The following SNX5 variants were observed in gnomAD, a reference collection of about 807,000 sequenced individuals.
SNX5 encodes the protein sorting nexin-5.
In SNX5, 31 loss-of-function variants were observed where a neutral mutation model predicts 53.9. The ratio of observed to expected loss-of-function variants is 0.58; its 90% confidence interval spans 0.43 to 0.78. The LOEUF is 0.78. SNX5 is among the 30% of genes least tolerant of loss of function. The probability of loss-of-function intolerance (pLI) is 0.00; values close to 1 mark genes in which losing one functional copy is unlikely to be tolerated. For missense variants in SNX5, 471 were observed against 478.8 expected, an observed-to-expected ratio of 0.98 and a Z score of 0.15; for synonymous variants, 168 against 171.1, an observed-to-expected ratio of 0.98 and a Z score of 0.14.
chr20:17,952,455 G>T, intron 5 of SNX5, 132 bp downstream of exon 5: 2 of 881,334 alleles, frequency 2.3e-6, no homozygotes, highest in Non-Finnish European at 1.6e-6. Flanking sequence ...TTACAATGAA[G>T]GAAAAGCAGC....
intron 4 of SNX5, among the ~76,000 whole-genome samples, chr20:17,953,635 C>G (rs892132487): frequency 1.3e-5 from 2 of 152,172 alleles, no homozygotes; most frequent in African/African-American, 4.8e-5. Context: ...TTCTCAACGT[C>G]TAGTAACCAA....
intron 10 of SNX5, among the ~76,000 whole-genome samples, chr20:17,948,455 CTGATT>C (rs2039515975): frequency 6.6e-6 from 1 of 152,182 alleles, no homozygotes; most frequent in Non-Finnish European, 1.5e-5. Context: ...TTTATTTTGC[CTGATT>C]TAATACATTT....
intron 1 of SNX5, among the ~76,000 whole-genome samples, chr20:17,965,231 C>T (rs1260775191): frequency 1.3e-5 from 2 of 152,160 alleles, no homozygotes; most frequent in African/African-American, 4.8e-5. Context: ...GAGGAGGCCG[C>T]GTCCTAGCAG....
chr20:17,951,153 T>A lies in SNX5; in HGVS notation c.609+347A>T, dbSNP rs566994297. On this transcript the variant is annotated intron_variant, in intron 6 of 12. Transcript: ENST00000377759. Reference sequence around the variant, plus strand: ...AGGTTGCATGTCAAGTGCTTCTCTATCACCTGTAGTTGGTGACCAAACTGG... The same window carrying A: ...AGGTTGCATGTCAAGTGCTTCTCTAACACCTGTAGTTGGTGACCAAACTGG... 1.2e-3 allele frequency: 214 copies of A among 182,154 alleles called. 2 individuals are homozygous for A. The highest frequency in any genetic ancestry group is 3.4e-3 in the Admixed American group (61 of 18,014). 11.3% of individuals were successfully genotyped at this position (182,154 alleles called of 1,614,324 possible).
In SNX5 at chr20:17,968,463, C is replaced by G; in HGVS notation, c.-38G>C. 7.8e-7 allele frequency: 1 copy of G among 1,288,866 alleles called. No individual in the cohort carries two copies. Among genetic ancestry groups the G allele is most frequent in the Non-Finnish European group, 9.8e-7 (1 of 1,016,094 alleles). 79.8% of individuals were successfully genotyped at this position (1,288,866 alleles called of 1,614,324 possible). Reference sequence around the variant, plus strand: ...CTCGAGCAGGGGCCGCCTGGCTGTGCGAGGAAAGAAGAAGCTGGGCCGCCG... The same window carrying G: ...CTCGAGCAGGGGCCGCCTGGCTGTGGGAGGAAAGAAGAAGCTGGGCCGCCG... On this transcript the variant is annotated 5_prime_UTR_variant, in exon 1 of 13. Transcript: ENST00000377759.
At chr20:17,959,448 A>C (rs1168439125) in intron 1 of SNX5, among the ~76,000 whole-genome samples, 1 of 147,500 alleles carries the variant, frequency 6.8e-6, no homozygotes, top group Non-Finnish European at 1.5e-5. Flanking sequence ...CAACCACAGC[A>C]TATCAAACAT....
intron 12 of SNX5, chr20:17,942,618 ACCAG>A: frequency 1.7e-6 from 1 of 589,462 alleles, no homozygotes. Flanking sequence ...GGGTAAGGCT[ACCAG>A]CCAAAGAGCC....
chr20:17,959,664 C>T lies in SNX5; in HGVS notation c.52-2627G>A, dbSNP rs572174879. Among the ~76,000 whole-genome samples, 9 of 152,298 alleles carry T rather than the reference C, an allele frequency of 5.9e-5. No individual in the cohort carries two copies. The South Asian group carries it at 1.5e-3, about 25-fold the overall frequency. Reference sequence around the variant, plus strand: ...CATCATTAACTCAATGTCCCCCAGGCGCAAGTTAAATGAACTTTCTCATAT... The same window carrying T: ...CATCATTAACTCAATGTCCCCCAGGTGCAAGTTAAATGAACTTTCTCATAT... On this transcript the variant is annotated intron_variant, in intron 1 of 12. Coordinates refer to ENST00000377759, the MANE Select transcript of SNX5 (RefSeq NM_014426.4).
rs766287568 is a variant in SNX5 at position 17,949,136 on chromosome 20, C to T, written c.792-33G>A. The stretch of plus-strand genomic sequence containing the variant: ...TGTACATATAATTTTGGTTTAAGGT[C>T]TTAAATCATCTATAAAACATGATCT... On this transcript the variant is annotated intron_variant, in intron 8 of 12. Transcript: ENST00000377759. The T allele has an allele frequency of 3.1e-5, 49 of 1,562,864 alleles. No individual in the cohort carries two copies. The South Asian group carries it at 5.3e-4, about 17-fold the overall frequency.
At chr20:17,960,382 T>G (rs2122407464) in intron 1 of SNX5, among the ~76,000 whole-genome samples, 1 of 151,452 alleles carries the variant, frequency 6.6e-6, no homozygotes, top group African/African-American at 2.4e-5. Flanking sequence ...GATCACAAGG[T>G]CAGGAGATCG....
intron 6 of SNX5, 198 bp downstream of exon 6, chr20:17,951,302 C>T (rs1292039070): frequency 1.8e-6 from 1 of 546,576 alleles, no homozygotes; most frequent in Non-Finnish European, 3.3e-6. Context: ...GTTCAAGTTG[C>T]TTCTCCTGGG....
chr20:17,967,941 A>T, intron 1 of SNX5: 1 of 389,588 alleles, frequency 2.6e-6, no homozygotes, highest in Admixed American at 4.5e-5. Context: ...CCCCCCCCCC[A>T]AAAAAGTCTT....
rs2273450 is a variant in SNX5, at chr20:17,968,524, G to A, written c.-99C>T. 134,765 of 1,128,592 alleles carry A rather than the reference G, an allele frequency of 0.12. 8,701 individuals carry two copies. Among genetic ancestry groups the A allele is most frequent in the Middle Eastern group, 0.18 (565 of 3,122 alleles). 69.9% of individuals were successfully genotyped at this position (1,128,592 alleles called of 1,614,324 possible). A position where few individuals can be genotyped will look rare whatever the true frequency, so the allele number is the denominator to read the frequency against. ...CTGGGCGCCTCTCGGGGGCGGCCAC[G>A]GCCCCGCCTCCGCCGGCCTCCCTGC... On this transcript the variant is annotated 5_prime_UTR_variant, in exon 1 of 13. Coordinates refer to ENST00000377759, the MANE Select transcript of SNX5 (RefSeq NM_014426.4).
At chr20:17,961,713 A>C (rs1032477155) in intron 1 of SNX5, 1 of 985,282 alleles carries the variant, frequency 1.0e-6, no homozygotes, top group Non-Finnish European at 1.2e-6. Context: ...CTTCTCTTTC[A>C]AACTATCTGT....
At chr20:17,948,087 A>C (rs2039511053) in intron 10 of SNX5, among the ~76,000 whole-genome samples, 1 of 152,248 alleles carries the variant, frequency 6.6e-6, no homozygotes, top group Non-Finnish European at 1.5e-5. Flanking sequence ...AGATCCACTT[A>C]GTCAGATATA....
At chr20:17,945,442 A>G (rs1403539499) in intron 11 of SNX5, 1 of 152,232 alleles carries the variant, frequency 6.6e-6, no homozygotes, top group Non-Finnish European at 1.5e-5. Flanking sequence ...AATATAGGAT[A>G]TAATCAATGT....
intron 1 of SNX5, among the ~76,000 whole-genome samples, chr20:17,967,011 T>C (rs971247788): frequency 1.3e-5 from 2 of 152,212 alleles, no homozygotes; most frequent in African/African-American, 4.8e-5. Context: ...TCGCTACAGA[T>C]ACGGACAGTT....
chr20:17,953,662 C>T (rs74615322), intron 4 of SNX5, among the ~76,000 whole-genome samples: 2 of 152,330 alleles, frequency 1.3e-5, no homozygotes, highest in East Asian at 3.9e-4. Context: ...GAAAGAAAAG[C>T]TTTGTACATT....
At chr20:17,943,447 T>C (rs566531424) in intron 11 of SNX5, 1 of 442,238 alleles carries the variant, frequency 2.3e-6, no homozygotes, top group Admixed American at 3.8e-5. Flanking sequence ...AGCAGCAGCT[T>C]ATGACTTGGA....
Sources: gnomAD v4.1 joint callset for allele counts (sites outside exome capture counted in the v4.1 genomes callset) on GRCh38, gnomAD v4.1.1 for gene constraint, MANE v1.5 for transcripts, NCBI Gene and HGNC (gene_info 2026-07-23, HGNC 2026-07-21) for gene names.